Variants in RWDD1 observed in about 807,000 individuals in gnomAD.
RWDD1 encodes RWD domain containing 1.
RWDD1 carries 17 observed loss-of-function variants against 31.6 expected under a neutral mutation model. The ratio of observed to expected loss-of-function variants is 0.54; its 90% CI spans 0.37 to 0.81. The LOEUF (loss-of-function observed/expected upper bound fraction) is 0.81. Ranked by LOEUF, RWDD1 falls within the 30% of genes least tolerant of loss-of-function variation. The pLI, the probability that RWDD1 is intolerant of heterozygous loss-of-function variation, is 0.00. For missense variants in RWDD1, 204 were observed against 274.5 expected (o/e 0.74, Z 1.82); for synonymous variants, 78 against 94.2 (o/e 0.83, Z 0.99).
In RWDD1 at chr6:116,594,209, C is replaced by G. The variant is rs981918750; in HGVS notation, c.*1108C>G. On this transcript the variant is annotated 3_prime_UTR_variant, in exon 7 of 7. Transcript: ENST00000466444. ...AATCTATTTATGAGGGATCTACCTG[C>G]TATAACCCAAACACCCCACCAGCCC... 2 of 151,592 alleles carry G rather than the reference C, an allele frequency of 1.3e-5. No homozygotes were observed. The highest frequency in any genetic ancestry group is 4.9e-5 in the African/African-American group (2 of 41,210). The allele number at this position is 151,592 out of a possible 1,614,324, so 9.4% of individuals were successfully genotyped here.
chr6:116,589,058 T>A (rs1004729031), intron 4 of RWDD1, 73 bp downstream of exon 4: 3 of 1,130,910 alleles, frequency 2.7e-6, no homozygotes, highest in African/African-American at 1.6e-5. Flanking sequence ...GGTTTTTTTT[T>A]AATCAATAGC....
intron 4 of RWDD1, among the ~76,000 whole-genome samples, chr6:116,589,925 A>G (rs1775108195): frequency 6.6e-6 from 1 of 152,182 alleles, no homozygotes; most frequent in Non-Finnish European, 1.5e-5. Flanking sequence ...ATTCTGGGAG[A>G]TACAATTCAA....
At chr6:116,584,925 A>C in intron 3 of RWDD1, 68 bp downstream of exon 3, 2 of 1,252,682 alleles carry the variant, frequency 1.6e-6, no homozygotes, top group Non-Finnish European at 2.3e-6. Context: ...TATTAATTTC[A>C]AGAGTTAGAA....
intron 1 of RWDD1, among the ~76,000 whole-genome samples, chr6:116,574,759 T>TCCCTC (rs1192741824): frequency 2.6e-5 from 3 of 116,852 alleles, no homozygotes; most frequent in Non-Finnish European, 3.5e-5. Context: ...CCCCTCCCCT[T>TCCCTC]CCCTCCCCTC....
rs573803675 is a variant in RWDD1 at position 116,581,652 on chromosome 6, A to G, written c.139+1292A>G. Among the ~76,000 whole-genome samples the G allele has an allele frequency of 1.9e-4, 29 of 152,182 alleles. No individual in the cohort carries two copies. The South Asian group carries it at 2.7e-3, about 14-fold the overall frequency. On this transcript the variant is annotated intron_variant, in intron 2 of 6. Coordinates refer to ENST00000466444, the MANE Select transcript of RWDD1 (RefSeq NM_015952.4). ...AATTTCTAAAGGTAGTATTAAAAGA[A>G]CGATCTCACAGGTAATTAAAAATGC... is the stretch of plus-strand genomic sequence containing the variant.
At chr6:116,587,571 C>T (rs1329044648) in intron 3 of RWDD1, among the ~76,000 whole-genome samples, 1 of 151,950 alleles carries the variant, frequency 6.6e-6, no homozygotes, top group African/African-American at 2.4e-5. Context: ...GATTGGTTTG[C>T]GAAGCTATGA....
chr6:116,571,983 C>A (rs11961321), intron 1 of RWDD1, among the ~76,000 whole-genome samples: 44,247 of 151,678 alleles, frequency 0.29, 6,774 homozygotes, highest in African/African-American at 0.39. Flanking sequence ...ACTCCAAGTG[C>A]GATTCGTTTT....
At chr6:116,576,709 T>C (rs1406194765) in intron 1 of RWDD1, among the ~76,000 whole-genome samples, 1 of 152,182 alleles carries the variant, frequency 6.6e-6, no homozygotes, top group African/African-American at 2.4e-5. Flanking sequence ...ATGGTCTGAG[T>C]TGTTTCAGAA....
chr6:116,573,110 A>G, intron 1 of RWDD1: 1 of 541,064 alleles, frequency 1.8e-6, no homozygotes. Flanking sequence ...GTACTTTGGA[A>G]ACATACTAGG....
chr6:116,576,328 A>G (rs1393374667), intron 1 of RWDD1, among the ~76,000 whole-genome samples: 1 of 152,158 alleles, frequency 6.6e-6, no homozygotes, highest in African/African-American at 2.4e-5. Context: ...TGTCTCTTTC[A>G]ACTAATGATT....
intron 1 of RWDD1, among the ~76,000 whole-genome samples, chr6:116,573,653 T>C (rs1480696832): frequency 6.6e-6 from 1 of 152,204 alleles, no homozygotes; most frequent in Non-Finnish European, 1.5e-5. Flanking sequence ...CCTTCTTTTG[T>C]ATTTATGATT....
chr6:116,579,927 T>C (rs529086281), intron 1 of RWDD1, among the ~76,000 whole-genome samples: 1 of 152,212 alleles, frequency 6.6e-6, no homozygotes, highest in African/African-American at 2.4e-5. Context: ...TATCAGTGGG[T>C]AGTTTCAGGT....
chr6:116,577,249 G>A (rs1310562111), intron 1 of RWDD1, among the ~76,000 whole-genome samples: 1 of 152,132 alleles, frequency 6.6e-6, no homozygotes, highest in African/African-American at 2.4e-5. Flanking sequence ...AGAATGAGGA[G>A]AATAATTCTT....
At chr6:116,582,077 TA>T (rs1347441000) in intron 2 of RWDD1, among the ~76,000 whole-genome samples, 1 of 151,984 alleles carries the variant, frequency 6.6e-6, no homozygotes, top group African/African-American at 2.4e-5. Flanking sequence ...GTTTAAAATG[TA>T]AATATATGCA....
At chr6:116,585,082 A>G (rs1180784261) in intron 3 of RWDD1, among the ~76,000 whole-genome samples, 1 of 152,156 alleles carries the variant, frequency 6.6e-6, no homozygotes, top group Non-Finnish European at 1.5e-5. Flanking sequence ...AGTCAGCCTC[A>G]TGGCTTTTTC....
intron 6 of RWDD1, among the ~76,000 whole-genome samples, chr6:116,591,360 C>G (rs1775141372): frequency 6.6e-6 from 1 of 152,202 alleles, no homozygotes; most frequent in Admixed American, 6.5e-5. Context: ...ACACCAGCCT[C>G]TCACAACTAG....
chr6:116,586,220 T>C (rs1451146434), intron 3 of RWDD1, among the ~76,000 whole-genome samples: 1 of 152,114 alleles, frequency 6.6e-6, no homozygotes, highest in Non-Finnish European at 1.5e-5. Flanking sequence ...AATAATAAAT[T>C]CATATTGCAG....
chr6:116,583,269 G>T (rs1005151684), intron 2 of RWDD1, among the ~76,000 whole-genome samples: 1 of 152,008 alleles, frequency 6.6e-6, no homozygotes, highest in African/African-American at 2.4e-5. Context: ...AAACCCCAGC[G>T]CCTGGCCATG....
chr6:116,580,381 T>C, intron 2 of RWDD1, 21 bp downstream of exon 2: 1 of 1,551,080 alleles, frequency 6.4e-7, no homozygotes, highest in Non-Finnish European at 8.8e-7. Context: ...TAAAAAATAC[T>C]TGTGGTTTTT....
Sources: allele counts gnomAD v4.1 joint callset (sites outside exome capture counted in the v4.1 genomes callset), GRCh38; gene constraint gnomAD v4.1.1; transcripts MANE v1.5; gene names NCBI Gene and HGNC (gene_info 2026-07-23, HGNC 2026-07-21).